The following CDH23 variants were observed in gnomAD, a reference collection of about 807,000 sequenced individuals.
CDH23 encodes the protein cadherin-23.
Under a neutral mutation model 317.1 loss-of-function variants are expected in CDH23, and 189 were observed. The ratio of observed to expected loss-of-function variants is 0.60; its 90% CI spans 0.53 to 0.67. CDH23 has a LOEUF of 0.67. CDH23 is among the 30% of genes least tolerant of loss of function. CDH23 has a pLI of 0.00. For missense variants in CDH23, 4,401 were observed against 4,592.4 expected (o/e 0.96, Z 1.20); for synonymous variants, 1,839 against 1,876.8 (o/e 0.98, Z 0.52).
chr10:71,793,324 C>A lies in CDH23; in HGVS notation c.6396C>A (p.Ile2132=). Reference sequence around the variant, plus strand: ...TCATCCGTGTTGGTAATGCCACCATCGACAGAGAGGAGCAGGAGTCCTACA... The same window carrying A: ...TCATCCGTGTTGGTAATGCCACCATAGACAGAGAGGAGCAGGAGTCCTACA... The part of the protein sequence containing the change: ...TGVIRVGNAT[I]DREEQESYRL... The change falls in exon 48 of 70, where the codon ATC becomes ATA. Residue 2132 remains isoleucine (I), a synonymous_variant. Coordinates refer to ENST00000224721, the MANE Select transcript of CDH23 (RefSeq NM_022124.6). 6.2e-7 allele frequency: 1 copy of A among 1,613,972 alleles called. No homozygotes were observed. Among genetic ancestry groups the A allele is most frequent in the Non-Finnish European group, 8.5e-7 (1 of 1,179,892 alleles).
rs752125151 is a variant in CDH23, at chr10:71,807,613, C to T, written c.8406C>T (p.Ile2802=). The T allele has an allele frequency of 6.2e-6, 10 of 1,614,000 alleles. No homozygotes were observed. The East Asian group carries it at 8.9e-5, about 14-fold the overall frequency. ...DREREAIFSF[I]VKASSNRSWT... ...AGCGAGAAGCCATCTTCTCCTTCAT[C>T]GTCAAGGCCTCCAGCAATCGCAGCT... Residue 2802 remains isoleucine (I), a synonymous_variant, in exon 59 of 70, where the codon ATC becomes ATT. Coordinates refer to ENST00000224721, the MANE Select transcript of CDH23 (RefSeq NM_022124.6).
chr10:71,743,979 T>C (rs73275882), intron 38 of CDH23, among the ~76,000 whole-genome samples: 3,317 of 152,292 alleles, frequency 0.022, 141 homozygotes, highest in African/African-American at 0.074. Context: ...CAAAGGGCTA[T>C]GGCAGCTACT....
At position 71,695,431 on chromosome 10, in the gene CDH23, T is replaced by C; in HGVS notation, c.2303T>C (p.Leu768Pro). Residue 768 changes from leucine to proline, a missense_variant, in exon 22 of 70, where the codon CTC becomes CCC. Leu to Pro is a moderately conservative substitution (Grantham distance 98, BLOSUM62 -3). Coordinates refer to ENST00000224721, the MANE Select transcript of CDH23 (RefSeq NM_022124.6). Reference sequence around the variant, plus strand: ...ATGGCTTCACAGGTAAACATCACCCTCCTGGACATCAATGACAACCACCCC... The same window carrying C: ...ATGGCTTCACAGGTAAACATCACCCCCCTGGACATCAATGACAACCACCCC... ...KTGIATVNIT[L>P]LDINDNHPTW... The C allele has an allele frequency of 6.2e-7, 1 of 1,612,114 alleles. No homozygotes were observed. The highest frequency in any genetic ancestry group is 8.5e-7 in the Non-Finnish European group (1 of 1,178,154).
At chr10:71,718,423 C>T (rs1381117990) in intron 28 of CDH23, among the ~76,000 whole-genome samples, 1 of 144,354 alleles carries the variant, frequency 6.9e-6, no homozygotes, top group Non-Finnish European at 1.5e-5. Context: ...CAGTGCCTGG[C>T]TGGAAAGTGT....
At chr10:71,736,675 C>CACA in intron 34 of CDH23, among the ~76,000 whole-genome samples, 1 of 152,340 alleles carries the variant, frequency 6.6e-6, no homozygotes, top group East Asian at 1.9e-4. Flanking sequence ...CCCTGCCTTG[C>CACA]AGCCTCACCA....
At chr10:71,526,698 C>T (rs1384926625) in intron 6 of CDH23, among the ~76,000 whole-genome samples, 2 of 152,192 alleles carry the variant, frequency 1.3e-5, no homozygotes, top group African/African-American at 2.4e-5. Context: ...GGAGGGGAAA[C>T]GCTGAACAGC....
intron 9 of CDH23, among the ~76,000 whole-genome samples, chr10:71,608,445 A>G (rs1860658340): frequency 6.6e-6 from 1 of 152,164 alleles, no homozygotes; most frequent in Non-Finnish European, 1.5e-5. Context: ...CCCAGCTCCT[A>G]AGATCCCGAG....
At chr10:71,586,523 G>A (rs1389149413) in intron 9 of CDH23, among the ~76,000 whole-genome samples, 1 of 152,088 alleles carries the variant, frequency 6.6e-6, no homozygotes, top group Non-Finnish European at 1.5e-5. Flanking sequence ...GTGGATGCCT[G>A]TGAAACTCAC....
At chr10:71,453,332 G>C (rs7909560) in intron 3 of CDH23, among the ~76,000 whole-genome samples, 2 of 152,046 alleles carry the variant, frequency 1.3e-5, no homozygotes, top group African/African-American at 4.8e-5. Context: ...AGGGAGAGCA[G>C]TTTTCAGGTG....
At chr10:71,683,038 C>T (rs1008870843) in intron 18 of CDH23, among the ~76,000 whole-genome samples, 4 of 152,134 alleles carry the variant, frequency 2.6e-5, no homozygotes, top group Non-Finnish European at 5.9e-5. Flanking sequence ...AGATCTAAAG[C>T]GGTCTGAAAC....
intron 3 of CDH23, among the ~76,000 whole-genome samples, chr10:71,485,517 G>T (rs559667906): frequency 1.1e-3 from 161 of 152,358 alleles, no homozygotes; most frequent in Non-Finnish European, 1.2e-3. Flanking sequence ...GGAGCTGAAA[G>T]CTCTTTGTTT....
In CDH23 at chr10:71,570,879, C is replaced by T. The variant is rs1269205017; in HGVS notation, c.714C>T (p.Asn238=). The change falls in exon 8 of 70, where the codon AAC becomes AAT. Residue 238 remains asparagine, a synonymous_variant. Coordinates refer to ENST00000224721, the MANE Select transcript of CDH23 (RefSeq NM_022124.6). ...DVQDMDPIFI[N]LPYSTNIYEH... ...AGGACATGGACCCCATCTTCATCAA[C>T]CTGCCTTACAGCACCAACATCTACG... 1.9e-6 allele frequency: 3 copies of T among 1,614,030 alleles called. No homozygotes were observed. The highest frequency in any genetic ancestry group is 2.5e-6 in the Non-Finnish European group (3 of 1,179,888).
intron 3 of CDH23, among the ~76,000 whole-genome samples, chr10:71,495,366 T>C (rs1011320457): frequency 6.6e-6 from 1 of 152,106 alleles, no homozygotes; most frequent in Non-Finnish European, 1.5e-5. Context: ...GAGGTTGTCT[T>C]GCTCACCTGC....
In CDH23 at chr10:71,441,712, ACT is replaced by A. The variant is rs754925976; in HGVS notation, c.67+1817_67+1818del. Among the ~76,000 whole-genome samples, 28 of 146,112 alleles carry A rather than the reference ACT, an allele frequency of 1.9e-4. 1 individual carries two copies. The highest frequency in any genetic ancestry group is 1.4e-3 in the Admixed American group (20 of 14,168). On this transcript the variant is annotated intron_variant, in intron 2 of 69. Coordinates refer to ENST00000224721, the MANE Select transcript of CDH23 (RefSeq NM_022124.6). The stretch of plus-strand genomic sequence containing the variant: ...ATTCCAGCCTGGGTGAAAGAGTGAG[ACT>A]CTGTCTCAAAAAAAGAAAAAAGAAA...
At chr10:71,521,281 G>A (rs1378900772) in intron 6 of CDH23, among the ~76,000 whole-genome samples, 1 of 152,144 alleles carries the variant, frequency 6.6e-6, no homozygotes, top group Non-Finnish European at 1.5e-5. Flanking sequence ...TTGCCCCGGA[G>A]AGTCGTGGGC....
chr10:71,797,060 AG>A (rs1292112514), intron 48 of CDH23, 43 bp from the exon 49 acceptor site: 7 of 1,331,278 alleles, frequency 5.3e-6, no homozygotes, highest in Middle Eastern at 4.0e-4. Context: ...GGCAGATTTT[AG>A]GGGGTTCTTC....
At chr10:71,514,481 AGCAGGGAGTGGGAG>A (rs1854167221) in intron 6 of CDH23, among the ~76,000 whole-genome samples, 1 of 152,312 alleles carries the variant, frequency 6.6e-6, no homozygotes, top group Middle Eastern at 3.4e-3. Context: ...GGCCAGGAAC[AGCAGGGAGTGGGAG>A]GCGGTTCAAG....
intron 28 of CDH23, among the ~76,000 whole-genome samples, chr10:71,718,910 A>AC (rs1180261686): frequency 1.3e-5 from 2 of 152,012 alleles, no homozygotes; most frequent in African/African-American, 4.8e-5. Context: ...CTGAAAGAAA[A>AC]AAAAAAAAGG....
intron 18 of CDH23, among the ~76,000 whole-genome samples, chr10:71,683,037 G>A (rs74145292): frequency 0.025 from 3,810 of 152,116 alleles, 168 homozygotes; most frequent in African/African-American, 0.087. Context: ...AAGATCTAAA[G>A]CGGTCTGAAA....
Sources: gnomAD v4.1 joint callset for allele counts (sites outside exome capture counted in the v4.1 genomes callset) on GRCh38, gnomAD v4.1.1 for gene constraint, MANE v1.5 for transcripts, NCBI Gene and HGNC (gene_info 2026-07-23, HGNC 2026-07-21) for gene names.